The following CDH12 variants were observed in gnomAD, a reference collection of about 807,000 sequenced individuals.
The protein encoded by CDH12 is cadherin-12.
In CDH12, 41 loss-of-function variants were observed where a neutral mutation model predicts 74.1. That is an observed-to-expected ratio of 0.55 (90% confidence interval 0.43 to 0.72). The LOEUF is 0.72. CDH12 is among the 30% of genes least tolerant of loss of function. CDH12 has a pLI of 0.00. For missense variants in CDH12, 945 were observed against 977.2 expected, an observed-to-expected ratio of 0.97 and a Z score of 0.44; for synonymous variants, 399 against 355.0, an observed-to-expected ratio of 1.12 and a Z score of -1.39.
rs140627471 is a variant in CDH12 at position 22,752,463 on chromosome 5, T to C, written c.-523+100595A>G. On this transcript the variant is annotated intron_variant, in intron 1 of 14. Coordinates refer to ENST00000382254, the MANE Select transcript of CDH12 (RefSeq NM_004061.5). ...AACTCTACACCAGAAACTTTCCACATGTTTTCATTTCTCAAACTATGTGCC... is the reference window on the plus strand; with the variant it reads ...AACTCTACACCAGAAACTTTCCACACGTTTTCATTTCTCAAACTATGTGCC... 4.0e-5 allele frequency among the ~76,000 whole-genome samples: 6 copies of C among 149,974 alleles called. No homozygotes were observed. In the East Asian group the frequency reaches 1.2e-3, roughly 29 times the overall value.
chr5:22,464,178 A>G (rs1409004700), intron 2 of CDH12, among the ~76,000 whole-genome samples: 1 of 152,248 alleles, frequency 6.6e-6, no homozygotes, highest in Admixed American at 6.5e-5. Context: ...GCTGCTGTCC[A>G]TGTAAGAGGT....
At chr5:22,809,180 A>C (rs1748987069) in intron 1 of CDH12, among the ~76,000 whole-genome samples, 1 of 151,962 alleles carries the variant, frequency 6.6e-6, no homozygotes, top group Non-Finnish European at 1.5e-5. Flanking sequence ...TTGAGTGCAG[A>C]CTTTTAAATA....
chr5:22,295,213 A>G (rs970341321), intron 3 of CDH12, among the ~76,000 whole-genome samples: 2 of 151,930 alleles, frequency 1.3e-5, no homozygotes, highest in Admixed American at 6.6e-5. Flanking sequence ...TGCAACTTTA[A>G]TTTCTTTTCT....
At chr5:21,807,804 T>C (rs965471900) in intron 9 of CDH12, among the ~76,000 whole-genome samples, 2 of 152,136 alleles carry the variant, frequency 1.3e-5, no homozygotes, top group Non-Finnish European at 2.9e-5. Flanking sequence ...GTAAATTAAA[T>C]GACATCTCAC....
chr5:22,384,520 C>G (rs1235040010), intron 3 of CDH12, among the ~76,000 whole-genome samples: 47 of 71,630 alleles, frequency 6.6e-4, no homozygotes, highest in Non-Finnish European at 1.1e-3. Flanking sequence ...AGCGAAACTC[C>G]GTCTCAAAAA....
At chr5:21,862,604 C>A (rs774877725) in intron 6 of CDH12, among the ~76,000 whole-genome samples, 6 of 152,018 alleles carry the variant, frequency 3.9e-5, no homozygotes, top group Admixed American at 3.3e-4. Context: ...GCACCAGATG[C>A]TACTTTCAAT....
chr5:22,659,223 T>C (rs1222469959), intron 1 of CDH12, among the ~76,000 whole-genome samples: 1 of 152,060 alleles, frequency 6.6e-6, no homozygotes, highest in Non-Finnish European at 1.5e-5. Flanking sequence ...ATAGTATTTA[T>C]ACATGGAAAA....
intron 1 of CDH12, among the ~76,000 whole-genome samples, chr5:22,806,573 C>T (rs981800088): frequency 5.3e-5 from 8 of 152,022 alleles, no homozygotes; most frequent in Non-Finnish European, 1.2e-4. Flanking sequence ...CCAGGATGGT[C>T]TCGATCTCCT....
At position 21,984,015 on chromosome 5, in the gene CDH12, C is replaced by T. The variant is rs72739997; in HGVS notation, c.232-8630G>A. The stretch of plus-strand genomic sequence containing the variant: ...TGTGGTTTCTTTAAATTATCTCTTC[C>T]TTCAGGATTACTTTTGTGTTTGGAA... On this transcript the variant is annotated intron_variant, in intron 5 of 14. Transcript: ENST00000382254. 5.8e-3 allele frequency among the ~76,000 whole-genome samples: 884 copies of T among 152,222 alleles called. 8 individuals are homozygous for T. Among genetic ancestry groups the T allele is most frequent in the South Asian group, 0.014 (69 of 4,824 alleles).
chr5:22,704,901 T>G (rs1388664723), intron 1 of CDH12, among the ~76,000 whole-genome samples: 3 of 151,998 alleles, frequency 2.0e-5, no homozygotes, highest in African/African-American at 7.2e-5. Flanking sequence ...TCCACCTTCC[T>G]TATACAATGT....
intron 5 of CDH12, among the ~76,000 whole-genome samples, chr5:21,980,556 G>T (rs1160831967): frequency 6.6e-6 from 1 of 151,870 alleles, no homozygotes; most frequent in Non-Finnish European, 1.5e-5. Flanking sequence ...TCTTTTATTT[G>T]TCCCTGTGTT....
intron 6 of CDH12, among the ~76,000 whole-genome samples, chr5:21,870,483 A>C (rs1751563687): frequency 6.6e-6 from 1 of 152,198 alleles, no homozygotes; most frequent in Non-Finnish European, 1.5e-5. Context: ...TAGCACAGCA[A>C]GAAAGATTTG....
intron 5 of CDH12, among the ~76,000 whole-genome samples, chr5:22,039,925 T>C (rs567524114): frequency 1.3e-5 from 2 of 151,166 alleles, no homozygotes; most frequent in African/African-American, 2.4e-5. Context: ...CAAGGAAATA[T>C]GGCACCACCA....
At chr5:22,019,842 A>G (rs1737848990) in intron 5 of CDH12, among the ~76,000 whole-genome samples, 1 of 152,176 alleles carries the variant, frequency 6.6e-6, no homozygotes, top group South Asian at 2.1e-4. Flanking sequence ...TGATGAGAGG[A>G]ATTTTCTAAA....
chr5:21,883,111 T>A, intron 6 of CDH12: 1 of 1,591,590 alleles, frequency 6.3e-7, no homozygotes. Flanking sequence ...GTTGCTATGA[T>A]TTCTGCAAAT....
intron 5 of CDH12, among the ~76,000 whole-genome samples, chr5:22,053,713 T>G (rs776750529): frequency 4.6e-5 from 7 of 152,068 alleles, no homozygotes; most frequent in Admixed American, 2.0e-4. Flanking sequence ...ATTCTCCACA[T>G]GGAAAGCAGA....
chr5:22,639,968 T>G (rs561960040), intron 1 of CDH12, among the ~76,000 whole-genome samples: 20 of 152,328 alleles, frequency 1.3e-4, no homozygotes, highest in African/African-American at 4.8e-4. Flanking sequence ...TTCTCTTTAT[T>G]CATTCTTTTC....
At chr5:21,928,458 T>C (rs1754690948) in intron 6 of CDH12, among the ~76,000 whole-genome samples, 1 of 152,154 alleles carries the variant, frequency 6.6e-6, no homozygotes, top group Non-Finnish European at 1.5e-5. Flanking sequence ...GAGCAGACAT[T>C]GAGAACATTC....
intron 2 of CDH12, among the ~76,000 whole-genome samples, chr5:22,489,055 C>CATTTTTTT: frequency 6.4e-5 from 1 of 15,716 alleles, no homozygotes; most frequent in Non-Finnish European, 1.4e-4. Flanking sequence ...TTTGGTACCA[C>CATTTTTTT]CTTTTTTTTT....
Sources: gnomAD v4.1 joint callset for allele counts (sites outside exome capture counted in the v4.1 genomes callset) on GRCh38, gnomAD v4.1.1 for gene constraint, MANE v1.5 for transcripts, NCBI Gene and HGNC (gene_info 2026-07-23, HGNC 2026-07-21) for gene names.